Variants in PAQR5 observed in about 807,000 individuals in gnomAD.
PAQR5 encodes progestin and adipoQ receptor family member 5, also known as membrane progestin receptor gamma.
Under a neutral mutation model 34.5 loss-of-function variants are expected in PAQR5, and 20 were observed. The observed-to-expected ratio is 0.58, with a 90% confidence interval of 0.41 to 0.84. PAQR5 has a LOEUF of 0.84. Among genes scored for constraint, PAQR5 ranks in the 40% least tolerant of loss-of-function variants. The pLI, the probability that PAQR5 is intolerant of heterozygous loss-of-function variation, is 0.00. For missense variants in PAQR5, 378 were observed against 412.7 expected, an observed-to-expected ratio of 0.92 and a Z score of 0.73; for synonymous variants, 131 against 155.6, an observed-to-expected ratio of 0.84 and a Z score of 1.18.
chr15:69,373,404 G>C (rs1329629759), intron 3 of PAQR5, among the ~76,000 whole-genome samples: 1 of 152,138 alleles, frequency 6.6e-6, no homozygotes, highest in Non-Finnish European at 1.5e-5. Flanking sequence ...GCCTATGGCA[G>C]CTTTTGAAAT....
intron 3 of PAQR5, among the ~76,000 whole-genome samples, chr15:69,363,935 T>C (rs1489187824): frequency 6.6e-6 from 1 of 152,126 alleles, no homozygotes; most frequent in East Asian, 1.9e-4. Flanking sequence ...TGCCTTAGTT[T>C]AGGGGCATGG....
intron 1 of PAQR5, among the ~76,000 whole-genome samples, chr15:69,303,580 CCAAT>C (rs756734295): frequency 6.0e-5 from 9 of 150,704 alleles, no homozygotes; most frequent in South Asian, 4.2e-4. Flanking sequence ...AAAAGCACAT[CCAAT>C]CAATCAATCA....
At position 69,379,739 on chromosome 15, in the gene PAQR5, A is replaced by T. The variant is rs1416661057; in HGVS notation, c.52-144A>T. 4.1e-6 allele frequency: 5 copies of T among 1,218,294 alleles called. No homozygotes were observed. In the East Asian group the frequency reaches 1.2e-4, roughly 30 times the overall value. The allele number at this position is 1,218,294 out of a possible 1,614,324, so 75.5% of individuals were successfully genotyped here. A position where few individuals can be genotyped will look rare whatever the true frequency, so the allele number is the denominator to read the frequency against. On this transcript the variant is annotated intron_variant, in intron 3 of 8. Coordinates refer to ENST00000395407, the MANE Select transcript of PAQR5 (RefSeq NM_017705.4). Reference sequence around the variant, plus strand: ...TTAGAAGCTACTGCGAGGGAAGGAGAGAGTGAGGGGAACAGCTTAACAGGT... The same window carrying T: ...TTAGAAGCTACTGCGAGGGAAGGAGTGAGTGAGGGGAACAGCTTAACAGGT...
At chr15:69,389,019 C>T (rs990318057) in intron 5 of PAQR5, among the ~76,000 whole-genome samples, 2 of 152,248 alleles carry the variant, frequency 1.3e-5, no homozygotes, top group African/African-American at 4.8e-5. Context: ...GGTCCTTAAG[C>T]AACCCTTCTT....
At chr15:69,299,974 A>G (rs1453350897) in intron 1 of PAQR5, among the ~76,000 whole-genome samples, 1 of 152,214 alleles carries the variant, frequency 6.6e-6, no homozygotes, top group Non-Finnish European at 1.5e-5. Context: ...ACATGGGCAG[A>G]TGAGAAGACA....
intron 3 of PAQR5, among the ~76,000 whole-genome samples, chr15:69,377,553 A>G (rs1486843175): frequency 6.6e-6 from 1 of 152,228 alleles, no homozygotes; most frequent in East Asian, 1.9e-4. Context: ...ACTTCATTTT[A>G]TCCCCTCCCT....
At chr15:69,332,183 C>G (rs756955700) in intron 1 of PAQR5, among the ~76,000 whole-genome samples, 3 of 152,184 alleles carry the variant, frequency 2.0e-5, no homozygotes, top group Middle Eastern at 3.2e-3. Flanking sequence ...AGCAAATCTG[C>G]TGTACTTTGT....
intron 1 of PAQR5, among the ~76,000 whole-genome samples, chr15:69,319,208 T>C: frequency 1.0e-5 from 1 of 98,688 alleles, no homozygotes; most frequent in African/African-American, 3.8e-5. Context: ...TATATATATA[T>C]ATATGAATGT....
chr15:69,391,932 C>G (rs2056285455), intron 6 of PAQR5: 1 of 390,950 alleles, frequency 2.6e-6, no homozygotes. Context: ...TGGCAGGTAC[C>G]TGTAATCCCA....
chr15:69,343,796 T>C (rs1362927450), intron 2 of PAQR5, among the ~76,000 whole-genome samples: 1 of 152,176 alleles, frequency 6.6e-6, no homozygotes, highest in African/African-American at 2.4e-5. Context: ...TTGATTGAAA[T>C]ACAATCCTAG....
chr15:69,360,030 T>C lies in PAQR5; in HGVS notation c.-51T>C, dbSNP rs1202119911. ...CCATGTTAGAGCTTTGAGTGAGGCC[T>C]GGTAACAGGGAGGCGCTGTCACCTA... On this transcript the variant is annotated 5_prime_UTR_variant, in exon 3 of 9. Coordinates refer to ENST00000395407, the MANE Select transcript of PAQR5 (RefSeq NM_017705.4). 2 of 1,468,632 alleles carry C rather than the reference T, an allele frequency of 1.4e-6. No individual in the cohort carries two copies. Among genetic ancestry groups the C allele is most frequent in the East Asian group, 4.5e-5 (2 of 44,106 alleles). The allele number at this position is 1,468,632 out of a possible 1,614,324, so 91.0% of individuals were successfully genotyped here.
At chr15:69,347,772 G>T (rs2054813406) in intron 2 of PAQR5, among the ~76,000 whole-genome samples, 1 of 152,128 alleles carries the variant, frequency 6.6e-6, no homozygotes, top group East Asian at 1.9e-4. Context: ...GTCTTCCTAT[G>T]GCTGAAGGGC....
chr15:69,364,308 C>T (rs1247139742), intron 3 of PAQR5, among the ~76,000 whole-genome samples: 1 of 151,524 alleles, frequency 6.6e-6, no homozygotes, highest in African/African-American at 2.4e-5. Flanking sequence ...TACCTGGTAG[C>T]TTATTAAAAT....
chr15:69,331,064 G>A (rs2054367924), intron 1 of PAQR5, among the ~76,000 whole-genome samples: 1 of 152,086 alleles, frequency 6.6e-6, no homozygotes, highest in Non-Finnish European at 1.5e-5. Flanking sequence ...TTGCAATGGA[G>A]AAATAGTCCT....
intron 1 of PAQR5, among the ~76,000 whole-genome samples, chr15:69,315,942 C>A (rs1050630049): frequency 6.6e-6 from 1 of 152,120 alleles, no homozygotes; most frequent in African/African-American, 2.4e-5. Context: ...TCAAGGCCAG[C>A]CTGGAGCCTC....
intron 1 of PAQR5, among the ~76,000 whole-genome samples, chr15:69,328,115 T>C (rs2054295902): frequency 6.6e-6 from 1 of 152,126 alleles, no homozygotes; most frequent in Admixed American, 6.5e-5. Flanking sequence ...TAGATCCAGG[T>C]CCTGTCATTC....
intron 4 of PAQR5, among the ~76,000 whole-genome samples, chr15:69,384,257 T>TG (rs1274159286): frequency 2.3e-5 from 3 of 127,930 alleles, no homozygotes; most frequent in African/African-American, 9.2e-5. Flanking sequence ...GTGTTCGTGG[T>TG]GGAGGGTGAG....
chr15:69,308,470 C>T (rs767426404), intron 1 of PAQR5, among the ~76,000 whole-genome samples: 68 of 152,154 alleles, frequency 4.5e-4, no homozygotes, highest in Non-Finnish European at 4.1e-4. Flanking sequence ...AATTCTTTGT[C>T]GTGTGGGACT....
intron 2 of PAQR5, among the ~76,000 whole-genome samples, chr15:69,344,693 T>G (rs151267953): frequency 3.3e-5 from 5 of 152,214 alleles, no homozygotes; most frequent in African/African-American, 1.2e-4. Context: ...TTCAAACAAC[T>G]TTGTTGGCGG....
Sources: allele counts gnomAD v4.1 joint callset (sites outside exome capture counted in the v4.1 genomes callset), GRCh38; gene constraint gnomAD v4.1.1; transcripts MANE v1.5; gene names NCBI Gene and HGNC (gene_info 2026-07-23, HGNC 2026-07-21).